Variants in CTNNA2 observed in about 807,000 individuals in gnomAD.
The protein encoded by CTNNA2 is catenin alpha 2, also known as catenin alpha-2.
Under a neutral mutation model 101.0 loss-of-function variants are expected in CTNNA2, and 42 were observed. That is an observed-to-expected ratio of 0.42 (90% CI 0.32 to 0.54). CTNNA2 has a LOEUF of 0.54. Among genes scored for constraint, CTNNA2 ranks in the 20% least tolerant of loss-of-function variants. CTNNA2 has a pLI of 0.14. For synonymous variants in CTNNA2, 450 were observed against 456.4 expected (o/e 0.99, Z 0.18); for missense variants, 871 against 1,223.1 (o/e 0.71, Z 4.29).
At chr2:80,514,797 A>G (rs1156975884) in intron 9 of CTNNA2, among the ~76,000 whole-genome samples, 1 of 152,128 alleles carries the variant, frequency 6.6e-6, no homozygotes, top group Non-Finnish European at 1.5e-5. Flanking sequence ...TTATAGGCAC[A>G]GGATGGGGGG....
chr2:80,298,400 C>T (rs768133915), intron 7 of CTNNA2: 1 of 152,140 alleles, frequency 6.6e-6, no homozygotes, highest in South Asian at 2.1e-4. Flanking sequence ...TGATAATTTT[C>T]TCTGTGAGAG....
At chr2:79,207,058 G>C (rs943823438) in intron 2 of CTNNA2, among the ~76,000 whole-genome samples, 2 of 152,124 alleles carry the variant, frequency 1.3e-5, no homozygotes, top group African/African-American at 4.8e-5. Flanking sequence ...ACATTGTTTA[G>C]ACAAACTCTT....
At chr2:79,616,400 A>T (rs1022438225) in intron 1 of CTNNA2, among the ~76,000 whole-genome samples, 1 of 152,216 alleles carries the variant, frequency 6.6e-6, no homozygotes, top group Non-Finnish European at 1.5e-5. Context: ...GAATGCTAAC[A>T]GTCACTATTT....
chr2:80,596,302 T>G (rs1696965607), intron 15 of CTNNA2, among the ~76,000 whole-genome samples: 1 of 68,580 alleles, frequency 1.5e-5, no homozygotes, highest in South Asian at 7.4e-4. Context: ...TTTTTTTTTT[T>G]TTTTTTTTTT....
chr2:80,550,402 T>A (rs1326313535), intron 11 of CTNNA2, among the ~76,000 whole-genome samples: 1 of 152,164 alleles, frequency 6.6e-6, no homozygotes, highest in East Asian at 1.9e-4. Context: ...TTTCTTGAAG[T>A]AAGATAACAA....
chr2:79,859,196 C>T (rs1256640241), intron 4 of CTNNA2, among the ~76,000 whole-genome samples: 1 of 151,956 alleles, frequency 6.6e-6, no homozygotes, highest in African/African-American at 2.4e-5. Flanking sequence ...CCCTGCTGTC[C>T]TGGGCATTCC....
intron 9 of CTNNA2, among the ~76,000 whole-genome samples, chr2:80,470,633 T>C (rs1572969936): frequency 6.6e-6 from 1 of 152,118 alleles, no homozygotes; most frequent in African/African-American, 2.4e-5. Context: ...TTACCAAACA[T>C]TCATTGAATA....
At chr2:80,197,045 A>C (rs1172931443) in intron 7 of CTNNA2, among the ~76,000 whole-genome samples, 1 of 152,014 alleles carries the variant, frequency 6.6e-6, no homozygotes, top group East Asian at 1.9e-4. Flanking sequence ...TTCCCCTCTA[A>C]GCTCTTAAAG....
At chr2:79,319,114 C>G (rs768201639) in intron 3 of CTNNA2, among the ~76,000 whole-genome samples, 2 of 152,164 alleles carry the variant, frequency 1.3e-5, no homozygotes, top group Non-Finnish European at 2.9e-5. Flanking sequence ...TAGAGATTAA[C>G]AAACATACTA....
At chr2:79,726,490 T>C (rs943134249) in intron 2 of CTNNA2, among the ~76,000 whole-genome samples, 5 of 152,078 alleles carry the variant, frequency 3.3e-5, no homozygotes, top group Admixed American at 2.0e-4. Context: ...CTATTGTGAT[T>C]TGCACATGTG....
At chr2:79,631,653 A>G (rs1679704297) in intron 1 of CTNNA2, among the ~76,000 whole-genome samples, 1 of 152,220 alleles carries the variant, frequency 6.6e-6, no homozygotes, top group South Asian at 2.1e-4. Context: ...ATAAACTGGA[A>G]TAATATTTGC....
At chr2:80,167,992 CTT>C (rs1704809063) in intron 7 of CTNNA2, among the ~76,000 whole-genome samples, 1 of 152,152 alleles carries the variant, frequency 6.6e-6, no homozygotes, top group African/African-American at 2.4e-5. Flanking sequence ...TACTGAAACA[CTT>C]TTTCCCACTT....
At chr2:79,668,930 A>C (rs1682635930) in intron 2 of CTNNA2, among the ~76,000 whole-genome samples, 1 of 152,184 alleles carries the variant, frequency 6.6e-6, no homozygotes, top group Non-Finnish European at 1.5e-5. Context: ...ATAAATAATC[A>C]CATGCAGTTT....
intron 9 of CTNNA2, among the ~76,000 whole-genome samples, chr2:80,483,786 G>T (rs909492493): frequency 6.6e-6 from 1 of 152,144 alleles, no homozygotes; most frequent in Non-Finnish European, 1.5e-5. Flanking sequence ...TTGAGTCATG[G>T]ATGTTTTATT....
intron 7 of CTNNA2, among the ~76,000 whole-genome samples, chr2:80,180,970 C>T (rs1470221928): frequency 1.3e-5 from 2 of 152,184 alleles, no homozygotes; most frequent in African/African-American, 4.8e-5. Flanking sequence ...TCAGCCTGAT[C>T]CAACTTTATG....
At chr2:80,173,648 TG>T (rs1705210694) in intron 7 of CTNNA2, among the ~76,000 whole-genome samples, 1 of 152,170 alleles carries the variant, frequency 6.6e-6, no homozygotes, top group Non-Finnish European at 1.5e-5. Context: ...TGGGTTGGCC[TG>T]TATGCTCCAG....
At chr2:80,589,507 C>A (rs770378458) in intron 15 of CTNNA2, 22 bp downstream of exon 15, 2 of 1,604,832 alleles carry the variant, frequency 1.2e-6, no homozygotes, top group African/African-American at 2.7e-5. Flanking sequence ...AGCCAGGGAG[C>A]TGAAGATTTT....
intron 3 of CTNNA2, among the ~76,000 whole-genome samples, chr2:79,848,520 G>C (rs1680418801): frequency 6.6e-6 from 1 of 152,106 alleles, no homozygotes; most frequent in South Asian, 2.1e-4. Flanking sequence ...CTACAACAAT[G>C]TAAAATTACC....
At chr2:80,503,492 A>G (rs558009160) in intron 9 of CTNNA2, among the ~76,000 whole-genome samples, 1 of 152,194 alleles carries the variant, frequency 6.6e-6, no homozygotes, top group Non-Finnish European at 1.5e-5. Context: ...CCTAATTCGT[A>G]TGAAGTGGGA....
Sources: gnomAD v4.1 joint callset for allele counts (sites outside exome capture counted in the v4.1 genomes callset) on GRCh38, gnomAD v4.1.1 for gene constraint, MANE v1.5 for transcripts, NCBI Gene and HGNC (gene_info 2026-07-23, HGNC 2026-07-21) for gene names.